The following ANKRD30B variants were observed in gnomAD, a reference collection of about 807,000 sequenced individuals.
ANKRD30B encodes the protein ankyrin repeat domain-containing protein 30B.
Under a neutral mutation model 202.2 loss-of-function variants are expected in ANKRD30B, and 144 were observed. That is an observed-to-expected ratio of 0.71 (90% confidence interval 0.62 to 0.82). The LOEUF is 0.82. Ranked by LOEUF, ANKRD30B falls within the 40% of genes least tolerant of loss-of-function variation. ANKRD30B has a pLI of 0.00. For missense variants in ANKRD30B, 1,487 were observed against 1,669.1 expected, an observed-to-expected ratio of 0.89 and a Z score of 1.90; for synonymous variants, 508 against 561.3, an observed-to-expected ratio of 0.91 and a Z score of 1.34.
rs1280497832 is a variant in ANKRD30B at position 14,784,480 on chromosome 18, A to G, written c.1617A>G (p.Gln539=). The G allele has an allele frequency of 4.3e-6, 7 of 1,613,150 alleles. No homozygotes were observed. The highest frequency in any genetic ancestry group is 5.9e-6 in the Non-Finnish European group (7 of 1,179,438). ...PSAFKPAVEM[Q]KTVPNKAFEL... ...CCATTTAGCCTGCCGTTGAAATGCA[A>G]AAGACTGTTCCAAATAAAGCCTTTG... Residue 539 remains glutamine (Q), a synonymous_variant, in exon 14 of 44, where the codon CAA becomes CAG. Transcript: ENST00000690538.
chr18:14,872,282 A>G, the ANKRD30B span, among the ~76,000 whole-genome samples: 2 of 152,170 alleles, frequency 1.3e-5, no homozygotes, highest in African/African-American at 4.8e-5. Flanking sequence ...GCTAAGCCCC[A>G]AGGGTTTCTC....
At chr18:14,889,286 C>T in the ANKRD30B span, among the ~76,000 whole-genome samples, 1 of 152,096 alleles carries the variant, frequency 6.6e-6, no homozygotes, top group Non-Finnish European at 1.5e-5. Context: ...CTGCCTCCCT[C>T]AGGTGAGAGA....
the ANKRD30B span, among the ~76,000 whole-genome samples, chr18:14,935,572 A>G: frequency 6.6e-6 from 1 of 152,152 alleles, no homozygotes; most frequent in African/African-American, 2.4e-5. Context: ...TGCAATTACT[A>G]GTTCTGGTCA....
chr18:14,917,187 G>A, the ANKRD30B span, among the ~76,000 whole-genome samples: 38 of 152,258 alleles, frequency 2.5e-4, no homozygotes, highest in Admixed American at 1.6e-3. Context: ...GTCATTCTCC[G>A]TCTTCTGTGC....
chr18:14,799,575 A>T (rs1047937724), intron 22 of ANKRD30B, among the ~76,000 whole-genome samples: 2 of 151,968 alleles, frequency 1.3e-5, no homozygotes, highest in African/African-American at 4.8e-5. Flanking sequence ...GCTCGGTTTT[A>T]AGGCAGGTGA....
the ANKRD30B span, among the ~76,000 whole-genome samples, chr18:14,922,124 G>C: frequency 2.0e-5 from 3 of 152,184 alleles, no homozygotes; most frequent in Non-Finnish European, 4.4e-5. Flanking sequence ...TCTGGCAGGA[G>C]GAGAATTTGT....
At chr18:14,924,895 T>A in the ANKRD30B span, among the ~76,000 whole-genome samples, 1 of 152,330 alleles carries the variant, frequency 6.6e-6, no homozygotes, top group East Asian at 1.9e-4. Context: ...CTCAGGCCCA[T>A]GTCCTGGCTA....
intron 9 of ANKRD30B, among the ~76,000 whole-genome samples, chr18:14,776,607 C>T (rs980654737): frequency 2.0e-5 from 3 of 152,172 alleles, no homozygotes; most frequent in Admixed American, 1.3e-4. Flanking sequence ...CCCATGTCAT[C>T]GTCATCCTCA....
At position 14,784,383 on chromosome 18, in the gene ANKRD30B, T is replaced by G; in HGVS notation, c.1599+19T>G. The stretch of plus-strand genomic sequence containing the variant: ...CTTCAAGGTATTTAGTTTTATGGTT[T>G]CATTTTGAATGACTTATTAACTATG... On this transcript the variant is annotated intron_variant, in intron 13 of 43. Coordinates refer to ENST00000690538, the MANE Select transcript of ANKRD30B (RefSeq NM_001367607.2). The G allele has an allele frequency of 6.2e-7, 1 of 1,612,848 alleles. No homozygotes were observed. Among genetic ancestry groups the G allele is most frequent in the Non-Finnish European group, 8.5e-7 (1 of 1,179,152 alleles).
chr18:14,769,110 A>G (rs1725299276), intron 7 of ANKRD30B, among the ~76,000 whole-genome samples: 1 of 152,168 alleles, frequency 6.6e-6, no homozygotes, highest in Admixed American at 6.5e-5. Flanking sequence ...TTTTTAAACA[A>G]GATCTGGATC....
At chr18:14,898,389 C>T in the ANKRD30B span, among the ~76,000 whole-genome samples, 2 of 152,012 alleles carry the variant, frequency 1.3e-5, no homozygotes, top group Non-Finnish European at 2.9e-5. Flanking sequence ...CTGGCATACG[C>T]AGTTTCACAA....
At chr18:14,828,598 C>T (rs1291199924) in intron 33 of ANKRD30B, among the ~76,000 whole-genome samples, 2 of 152,138 alleles carry the variant, frequency 1.3e-5, no homozygotes, top group South Asian at 2.1e-4. Flanking sequence ...CTCCCTAATC[C>T]CTTCCCTTCC....
At chr18:14,922,324 A>G in the ANKRD30B span, among the ~76,000 whole-genome samples, 21 of 152,128 alleles carry the variant, frequency 1.4e-4, no homozygotes, top group African/African-American at 4.8e-4. Context: ...GCTTCACACC[A>G]TGGGCTAAAG....
At chr18:14,796,150 C>G in intron 16 of ANKRD30B, 71 bp from the exon 17 acceptor site, 1 of 1,413,846 alleles carries the variant, frequency 7.1e-7, no homozygotes. Context: ...TTCATATTCA[C>G]ATTGTACGAA....
At chr18:14,866,619 G>C in the ANKRD30B span, among the ~76,000 whole-genome samples, 1 of 152,202 alleles carries the variant, frequency 6.6e-6, no homozygotes, top group Non-Finnish European at 1.5e-5. Flanking sequence ...ATCTCTGTTA[G>C]AGTAGTAGAA....
intron 36 of ANKRD30B, among the ~76,000 whole-genome samples, chr18:14,839,433 C>T (rs1351262295): frequency 6.6e-6 from 1 of 152,094 alleles, no homozygotes; most frequent in East Asian, 1.9e-4. Context: ...ATTTGTTCAT[C>T]ATTTTGTTCT....
the ANKRD30B span, among the ~76,000 whole-genome samples, chr18:14,899,445 TA>T: frequency 2.0e-5 from 3 of 152,268 alleles, no homozygotes; most frequent in Non-Finnish European, 4.4e-5. Context: ...TTCTATGCTT[TA>T]AAAAAATTAG....
Position 14,796,365 on chromosome 18 carries a change from C to T in ANKRD30B, c.1877C>T (p.Ser626Phe). 1 of 1,575,492 alleles carries T rather than the reference C, an allele frequency of 6.3e-7. No homozygotes were observed. Among genetic ancestry groups the T allele is most frequent in the Non-Finnish European group, 8.6e-7 (1 of 1,159,014 alleles). The stretch of plus-strand genomic sequence containing the variant: ...TAGCCTACCTGTGGAAGGAAAGTTT[C>T]TCTTCCAAATAAAGCCTTAGAATTA... Reference protein sequence around the residue: ...LLKPTCGRKVSLPNKALELKD... With the variant: ...LLKPTCGRKVFLPNKALELKD... Residue 626 changes from serine (S) to phenylalanine (F), a missense_variant, in exon 18 of 44, where the codon TCT becomes TTT. Physicochemically the swap from Ser to Phe is radical, Grantham distance 155. Around this residue, in one of 6 missense-constraint regions of ANKRD30B, gnomAD observed 889 missense variants for 841.4 expected, o/e 1.06. Transcript: ENST00000690538.
chr18:14,921,351 T>G, the ANKRD30B span, among the ~76,000 whole-genome samples: 1 of 148,772 alleles, frequency 6.7e-6, no homozygotes, highest in Non-Finnish European at 1.5e-5. Context: ...GAGGTGCGTG[T>G]TTAGATATAA....
Sources: gnomAD v4.1 joint callset for allele counts (sites outside exome capture counted in the v4.1 genomes callset) on GRCh38, gnomAD v4.1.1 for gene constraint, gnomAD v4.1.1 regional missense constraint, MANE v1.5 for transcripts, NCBI Gene and HGNC (gene_info 2026-07-23, HGNC 2026-07-21) for gene names.